The following RAPH1 variants were observed in gnomAD, a reference collection of about 807,000 sequenced individuals.
RAPH1 encodes Ras association (RalGDS/AF-6) and pleckstrin homology domains 1, also known as ras-associated and pleckstrin homology domains-containing protein 1.
A neutral mutation model predicts 88.1 loss-of-function variants in RAPH1; 18 were observed. The observed-to-expected ratio is 0.20, with a 90% confidence interval of 0.14 to 0.30. The LOEUF is 0.30. Ranked by LOEUF, RAPH1 falls within the 10% of genes least tolerant of loss-of-function variation. The pLI is 1.00. For synonymous variants in RAPH1, 587 were observed against 559.0 expected (o/e 1.05, Z -0.71); for missense variants, 1,448 against 1,543.2 (o/e 0.94, Z 1.03).
chr2:203,443,231 A>G (rs1303286351), intron 13 of RAPH1: 1 of 152,236 alleles, frequency 6.6e-6, no homozygotes, highest in Non-Finnish European at 1.5e-5. Flanking sequence ...ATGTACCTGT[A>G]TAAGTGATTC....
chr2:203,477,295 G>C, intron 4 of RAPH1: 5 of 655,204 alleles, frequency 7.6e-6, no homozygotes, highest in Non-Finnish European at 1.4e-5. Context: ...AAAGTTGCAT[G>C]CAATTACCTT....
chr2:203,475,749 TA>T (rs60658092), intron 4 of RAPH1, among the ~76,000 whole-genome samples: 13,281 of 103,472 alleles, frequency 0.13, 1,072 homozygotes, highest in African/African-American at 0.28. Flanking sequence ...ACTTCTTGTA[TA>T]AAAAAAAAAA....
At chr2:203,452,459 T>C (rs2098515728) in intron 10 of RAPH1, among the ~76,000 whole-genome samples, 1 of 152,204 alleles carries the variant, frequency 6.6e-6, no homozygotes, top group Non-Finnish European at 1.5e-5. Flanking sequence ...CTCGTATCTT[T>C]AAGGCTTCAC....
At chr2:203,534,190 G>T (rs1690509375) in intron 1 of RAPH1, among the ~76,000 whole-genome samples, 2 of 152,142 alleles carry the variant, frequency 1.3e-5, no homozygotes, top group Admixed American at 1.3e-4. Context: ...ATTTCCCTGA[G>T]AAATGCTGCA....
chr2:203,532,091 A>C (rs534044869), intron 1 of RAPH1, among the ~76,000 whole-genome samples: 1 of 152,340 alleles, frequency 6.6e-6, no homozygotes, highest in South Asian at 2.1e-4. Context: ...TCTTGAAGAC[A>C]GTGTGTTAAG....
Position 203,434,394 on chromosome 2 carries a change from C to T in RAPH1, c.*5043G>A. 1 of 152,682 alleles carries T rather than the reference C, an allele frequency of 6.5e-6. No individual in the cohort carries two copies. 9.5% of individuals were successfully genotyped at this position (152,682 alleles called of 1,614,324 possible). The stretch of plus-strand genomic sequence containing the variant: ...AGCAATCCCAGTTAAATATAATGTG[C>T]AATTCCCCTTTAACAGTAAACAATG... On this transcript the variant is annotated 3_prime_UTR_variant, in exon 14 of 14. Transcript: ENST00000319170.
intron 2 of RAPH1, 133 bp downstream of exon 2, chr2:203,495,101 C>T: frequency 7.6e-6 from 7 of 920,100 alleles, no homozygotes; most frequent in East Asian, 2.4e-5. Flanking sequence ...ATTTACTTGT[C>T]AATACTTCGA....
In RAPH1 at chr2:203,438,284, G is replaced by T. The variant is rs1404296116; in HGVS notation, c.*1153C>A. 8.8e-6 allele frequency: 4 copies of T among 452,922 alleles called. No individual in the cohort carries two copies. The highest frequency in any genetic ancestry group is 1.8e-5 in the Non-Finnish European group (4 of 226,134). 28.1% of individuals were successfully genotyped at this position (452,922 alleles called of 1,614,324 possible). The stretch of plus-strand genomic sequence containing the variant: ...ACATATTATAACCCATATACAACCA[G>T]ATTAATGACACCTGTACAGGGGCCA... On this transcript the variant is annotated 3_prime_UTR_variant, in exon 14 of 14. Transcript: ENST00000319170.
rs545967170 is a variant in RAPH1, at chr2:203,460,562, T to C, written c.971-534A>G. Among the ~76,000 whole-genome samples, 10 of 152,286 alleles carry C rather than the reference T, an allele frequency of 6.6e-5. No homozygotes were observed. In the East Asian group the frequency reaches 1.9e-3, roughly 29 times the overall value. ...CTTTGAAATTTGTTAATGTGCTTTGTTTCCCGAGTCAAATGCTGGTTTAAA... is the reference window on the plus strand; with the variant it reads ...CTTTGAAATTTGTTAATGTGCTTTGCTTCCCGAGTCAAATGCTGGTTTAAA... On this transcript the variant is annotated intron_variant, in intron 6 of 13. Transcript: ENST00000319170.
chr2:203,527,170 G>A (rs952848417), intron 1 of RAPH1, among the ~76,000 whole-genome samples: 3 of 152,072 alleles, frequency 2.0e-5, no homozygotes, highest in Non-Finnish European at 4.4e-5. Flanking sequence ...TGATTCACTG[G>A]GGTATACGAA....
intron 1 of RAPH1, among the ~76,000 whole-genome samples, chr2:203,515,841 T>C (rs1302209557): frequency 6.6e-6 from 1 of 152,198 alleles, no homozygotes; most frequent in Admixed American, 6.5e-5. Flanking sequence ...GAGGAATTTG[T>C]TGCCAGTAGA....
chr2:203,512,288 G>A (rs537563713), intron 1 of RAPH1, among the ~76,000 whole-genome samples: 6 of 149,816 alleles, frequency 4.0e-5, no homozygotes, highest in South Asian at 4.2e-4. Context: ...AATTAGCTGG[G>A]TGTGGTGGTG....
chr2:203,495,193 G>A (rs377373387), intron 2 of RAPH1, 41 bp downstream of exon 2: 89 of 1,610,290 alleles, frequency 5.5e-5, no homozygotes, highest in Non-Finnish European at 7.0e-5. Context: ...TAACACAATG[G>A]TGACTTCAAA....
At chr2:203,462,776 C>T (rs1213556350) in intron 4 of RAPH1, among the ~76,000 whole-genome samples, 1 of 152,080 alleles carries the variant, frequency 6.6e-6, no homozygotes, top group African/African-American at 2.4e-5. Context: ...TTGTAATTTC[C>T]AGCAATAGGC....
In RAPH1 at chr2:203,435,650, A is replaced by G. The variant is rs1029728093; in HGVS notation, c.*3787T>C. Reference sequence around the variant, plus strand: ...AAAGCAAGGCATCACATTGATAACCATACAGGATCCTATGGGTTTAACTGG... The same window carrying G: ...AAAGCAAGGCATCACATTGATAACCGTACAGGATCCTATGGGTTTAACTGG... On this transcript the variant is annotated 3_prime_UTR_variant, in exon 14 of 14. Coordinates refer to ENST00000319170, the MANE Select transcript of RAPH1 (RefSeq NM_213589.3). 5.3e-5 allele frequency: 8 copies of G among 152,180 alleles called. No individual in the cohort carries two copies. The highest frequency in any genetic ancestry group is 1.2e-4 in the Non-Finnish European group (8 of 68,024). 9.4% of individuals were successfully genotyped at this position (152,180 alleles called of 1,614,324 possible). A position where few individuals can be genotyped will look rare whatever the true frequency, so the allele number is the denominator to read the frequency against.
At chr2:203,497,032 G>A (rs778949781) in intron 1 of RAPH1, among the ~76,000 whole-genome samples, 1 of 152,282 alleles carries the variant, frequency 6.6e-6, no homozygotes, top group Middle Eastern at 3.4e-3. Flanking sequence ...AAACTCAAGT[G>A]TTGCCAATGT....
In RAPH1 at chr2:203,444,450, GGAA is replaced by G. The variant is rs376171828; in HGVS notation, c.1776+415_1776+417del. ...TGTCAAAAAAAAAAAAAAAAAAAAA[GGAA>G]GAAGAAAAAAAGACAGGAAAGAAGA... On this transcript the variant is annotated intron_variant, in intron 13 of 13. Transcript: ENST00000319170. 79 of 153,016 alleles carry G rather than the reference GGAA, an allele frequency of 5.2e-4. 1 individual carries two copies. Among genetic ancestry groups the G allele is most frequent in the Middle Eastern group, 2.9e-3 (1 of 340 alleles). 9.5% of individuals were successfully genotyped at this position (153,016 alleles called of 1,614,324 possible).
Position 203,495,454 on chromosome 2 carries a change from C to A in RAPH1, c.1-101G>T, listed in dbSNP as rs575990625. ...GATATATATTATATGCCTCTGAAGT[C>A]AAATCTTCAAAACTAGAAATTACAT... On this transcript the variant is annotated intron_variant, in intron 1 of 13. Coordinates refer to ENST00000319170, the MANE Select transcript of RAPH1 (RefSeq NM_213589.3). 7.5e-5 allele frequency: 85 copies of A among 1,128,934 alleles called. No homozygotes were observed. In the Middle Eastern group the frequency reaches 1.2e-3, roughly 16 times the overall value. The allele number at this position is 1,128,934 out of a possible 1,614,324, so 69.9% of individuals were successfully genotyped here.
intron 1 of RAPH1, among the ~76,000 whole-genome samples, chr2:203,501,236 G>GGGAAA (rs1294237287): frequency 1.3e-5 from 2 of 152,182 alleles, no homozygotes; most frequent in African/African-American, 2.4e-5. Context: ...GAGCAGAGAA[G>GGGAAA]GGAAAGGAAA....
Sources: gnomAD v4.1 joint callset for allele counts (sites outside exome capture counted in the v4.1 genomes callset) on GRCh38, gnomAD v4.1.1 for gene constraint, MANE v1.5 for transcripts, NCBI Gene and HGNC (gene_info 2026-07-23, HGNC 2026-07-21) for gene names.